Variants in ZNF585B observed in about 807,000 individuals in gnomAD.
The protein encoded by ZNF585B is zinc finger protein 41-like protein.
Under a neutral mutation model 14.0 loss-of-function variants are expected in ZNF585B, and 7 were observed. The ratio of observed to expected loss-of-function variants is 0.50; its 90% confidence interval spans 0.28 to 0.94. The LOEUF (loss-of-function observed/expected upper bound fraction) is 0.94, where lower values mean the gene tolerates loss of function less well. ZNF585B is among the 40% of genes least tolerant of loss of function. ZNF585B has a pLI of 0.09. For missense variants in ZNF585B, 750 were observed against 924.4 expected (o/e 0.81, Z 2.45); for synonymous variants, 290 against 317.3 (o/e 0.91, Z 0.91).
At position 37,190,088 on chromosome 19, in the gene ZNF585B, G is replaced by A. The variant is rs1222055153; in HGVS notation, c.135C>T (p.Asp45=). Residue 45 remains aspartate (D), a synonymous_variant, in exon 3 of 5, where the codon GAC becomes GAT. Transcript: ENST00000532828. The part of the protein sequence containing the change: ...DFSREEWRHL[D]LSQRNLYRDV... Reference sequence around the variant, plus strand: ...CCCGGTACAGGTTTCTCTGAGAAAGGTCCAGGTGCCGCCATTCCTCTCTGC... The same window carrying A: ...CCCGGTACAGGTTTCTCTGAGAAAGATCCAGGTGCCGCCATTCCTCTCTGC... 6.2e-7 allele frequency: 1 copy of A among 1,613,988 alleles called. No individual in the cohort carries two copies. The highest frequency in any genetic ancestry group is 1.7e-5 in the Admixed American group (1 of 59,980).
rs1033568166 is a variant in ZNF585B at position 37,197,861 on chromosome 19, G to A, written c.73-7711C>T. Reference sequence around the variant, plus strand: ...GCACCAACCTAATACATAAAGTAAGGCTATAATGTTAACAGGGATGTAGAA... The same window carrying A: ...GCACCAACCTAATACATAAAGTAAGACTATAATGTTAACAGGGATGTAGAA... On this transcript the variant is annotated intron_variant, in intron 2 of 4. Coordinates refer to ENST00000532828, the MANE Select transcript of ZNF585B (RefSeq NM_152279.4). Among the ~76,000 whole-genome samples, 12 of 152,238 alleles carry A rather than the reference G, an allele frequency of 7.9e-5. No individual in the cohort carries two copies. In the East Asian group the frequency reaches 1.4e-3, roughly 17 times the overall value.
chr19:37,184,751 A>G lies in ZNF585B; in HGVS notation c.*476T>C, dbSNP rs2145429054. 2.7e-6 allele frequency: 1 copy of G among 369,574 alleles called. No homozygotes were observed. The highest frequency in any genetic ancestry group is 4.0e-5 in the East Asian group (1 of 24,944). 22.9% of individuals were successfully genotyped at this position (369,574 alleles called of 1,614,324 possible). A position where few individuals can be genotyped will look rare whatever the true frequency, so the allele number is the denominator to read the frequency against. On this transcript the variant is annotated 3_prime_UTR_variant, in exon 5 of 5. Coordinates refer to ENST00000532828, the MANE Select transcript of ZNF585B (RefSeq NM_152279.4). The stretch of plus-strand genomic sequence containing the variant: ...AATTGGATATGCACAACTGTGTTCG[A>G]TTCAAAAGAAGAAAATACCCACAAT...
At position 37,181,678 on chromosome 19, in the gene ZNF585B, T is replaced by C. The variant is rs1293888952; in HGVS notation, c.*3549A>G. The C allele has an allele frequency of 7.6e-6, 1 of 131,286 alleles. No homozygotes were observed. The highest frequency in any genetic ancestry group is 1.6e-5 in the Non-Finnish European group (1 of 62,542). The allele number at this position is 131,286 out of a possible 1,614,324, so 8.1% of individuals were successfully genotyped here. On this transcript the variant is annotated 3_prime_UTR_variant, in exon 5 of 5. Coordinates refer to ENST00000532828, the MANE Select transcript of ZNF585B (RefSeq NM_152279.4). ...AATAAGTCATGGTACTTCCAGACAA[T>C]AGCATATTATTCAATGAGAAAAAAA...
At chr19:37,192,429 A>G (rs1027979490) in intron 2 of ZNF585B, among the ~76,000 whole-genome samples, 1 of 152,072 alleles carries the variant, frequency 6.6e-6, no homozygotes, top group African/African-American at 2.4e-5. Context: ...AAGAACAAAA[A>G]GATGGGGAGA....
chr19:37,198,858 G>A (rs961375900), intron 2 of ZNF585B: 2 of 703,028 alleles, frequency 2.8e-6, no homozygotes. Context: ...GAGGGTATGA[G>A]CATGCAGATG....
chr19:37,185,802 C>G lies in ZNF585B; in HGVS notation c.1735G>C (p.Val579Leu), dbSNP rs773635292. The change falls in exon 5 of 5, where the codon GTA becomes CTA. Residue 579 changes from valine to leucine, a missense_variant. By Grantham distance (32) the Val-to-Leu change is conservative. Coordinates refer to ENST00000532828, the MANE Select transcript of ZNF585B (RefSeq NM_152279.4). ...AAAGCTCTTCCACACTCAGTGCATA[C>G]ATAGGGTTTCTCTCCTGTATGAATT... ...QKIHTGEKPY[V>L]CTECGRAFIR... is the part of the protein sequence containing the mutation. 1 of 1,605,168 alleles carries G rather than the reference C, an allele frequency of 6.2e-7. No homozygotes were observed. Among genetic ancestry groups the G allele is most frequent in the South Asian group, 1.1e-5 (1 of 89,902 alleles).
chr19:37,204,493 A>G (rs1300479679), intron 2 of ZNF585B, among the ~76,000 whole-genome samples: 7 of 152,238 alleles, frequency 4.6e-5, no homozygotes, highest in Non-Finnish European at 8.8e-5. Flanking sequence ...CTGTCGTTAT[A>G]TTTGAGCATA....
intron 1 of ZNF585B, among the ~76,000 whole-genome samples, chr19:37,209,555 T>C (rs1295554783): frequency 2.6e-5 from 4 of 152,032 alleles, no homozygotes; most frequent in Non-Finnish European, 5.9e-5. Flanking sequence ...ATACATAATA[T>C]ATATAACATA....
At chr19:37,203,174 T>C (rs1180332921) in intron 2 of ZNF585B, among the ~76,000 whole-genome samples, 1 of 152,194 alleles carries the variant, frequency 6.6e-6, no homozygotes, top group Non-Finnish European at 1.5e-5. Flanking sequence ...TTCTTTTTTG[T>C]ATTTTTTGAC....
At position 37,184,502 on chromosome 19, in the gene ZNF585B, A is replaced by AAGAAAGAG. The variant is rs1568505116; in HGVS notation, c.*724_*725insCTCTTTCT. On this transcript the variant is annotated 3_prime_UTR_variant, in exon 5 of 5. Coordinates refer to ENST00000532828, the MANE Select transcript of ZNF585B (RefSeq NM_152279.4). ...AAAGAAAGAAAGAAAGAAAGAAAGA[A>AAGAAAGAG]AGAGAAAGAAAGAAAGAAAAAGAAA... 7.2e-6 allele frequency: 1 copy of AAGAAAGAG among 139,502 alleles called. No homozygotes were observed. The highest frequency in any genetic ancestry group is 1.6e-5 in the Non-Finnish European group (1 of 63,150). The allele number at this position is 139,502 out of a possible 1,614,324, so 8.6% of individuals were successfully genotyped here.
At chr19:37,197,387 A>G (rs1213714112) in intron 2 of ZNF585B, among the ~76,000 whole-genome samples, 1 of 152,086 alleles carries the variant, frequency 6.6e-6, no homozygotes, top group Non-Finnish European at 1.5e-5. Context: ...TCACTGATGG[A>G]CATTTGGGTT....
chr19:37,201,857 C>G (rs547418588), intron 2 of ZNF585B, among the ~76,000 whole-genome samples: 23 of 152,132 alleles, frequency 1.5e-4, no homozygotes, highest in African/African-American at 5.5e-4. Context: ...TACTGTTTTG[C>G]TAGACTGTGT....
In ZNF585B at chr19:37,187,009, A is replaced by G. The variant is rs754099102; in HGVS notation, c.528T>C (p.His176=). The part of the protein sequence containing the change: ...AFVQKPEFIT[H]QKTHMREKPY... ...GCTTCTCTCTCATATGGGTTTTCTG[A>G]TGTGTGATGAATTCTGGCTTCTGTA... Residue 176 remains histidine, a synonymous_variant, in exon 5 of 5, where the codon CAT becomes CAC. Coordinates refer to ENST00000532828, the MANE Select transcript of ZNF585B (RefSeq NM_152279.4). 6.2e-7 allele frequency: 1 copy of G among 1,613,236 alleles called. No individual in the cohort carries two copies. The highest frequency in any genetic ancestry group is 2.2e-5 in the East Asian group (1 of 44,876).
In ZNF585B at chr19:37,204,992, C is replaced by G. The variant is rs1420834223; in HGVS notation, c.72+2048G>C. 2.0e-5 allele frequency among the ~76,000 whole-genome samples: 3 copies of G among 152,178 alleles called. No homozygotes were observed. In the East Asian group the frequency reaches 5.8e-4, roughly 29 times the overall value. On this transcript the variant is annotated intron_variant, in intron 2 of 4. Coordinates refer to ENST00000532828, the MANE Select transcript of ZNF585B (RefSeq NM_152279.4). ...CGAACTCCTGACCTCAGGCAATCTG[C>G]CTGCCTCAGCCTCCCAAAGTGCTGG...
In ZNF585B at chr19:37,184,846, G is replaced by C. The variant is rs1972314245; in HGVS notation, c.*381C>G. The C allele has an allele frequency of 7.1e-6, 3 of 424,402 alleles. No individual in the cohort carries two copies. Among genetic ancestry groups the C allele is most frequent in the Non-Finnish European group, 1.2e-5 (3 of 240,466 alleles). The allele number at this position is 424,402 out of a possible 1,614,324, so 26.3% of individuals were successfully genotyped here. A position where few individuals can be genotyped will look rare whatever the true frequency, so the allele number is the denominator to read the frequency against. On this transcript the variant is annotated 3_prime_UTR_variant, in exon 5 of 5. Coordinates refer to ENST00000532828, the MANE Select transcript of ZNF585B (RefSeq NM_152279.4). ...TCATCACTATCATATATATTATGTTGTCTTACCATTCAAACTGTTGGCACT... is the reference window on the plus strand; with the variant it reads ...TCATCACTATCATATATATTATGTTCTCTTACCATTCAAACTGTTGGCACT...
At chr19:37,205,304 A>C (rs927397591) in intron 2 of ZNF585B, among the ~76,000 whole-genome samples, 5 of 152,194 alleles carry the variant, frequency 3.3e-5, no homozygotes, top group Admixed American at 6.5e-5. Context: ...CCCAAGAGCA[A>C]CTAAAGTAGA....
At chr19:37,187,728 T>C (rs1274751454) in intron 4 of ZNF585B, among the ~76,000 whole-genome samples, 1 of 151,976 alleles carries the variant, frequency 6.6e-6, no homozygotes, top group East Asian at 1.9e-4. Flanking sequence ...TAGCAGAGGC[T>C]AGAGGGGAAG....
At chr19:37,194,639 A>G (rs1016824697) in intron 2 of ZNF585B, among the ~76,000 whole-genome samples, 5 of 152,172 alleles carry the variant, frequency 3.3e-5, no homozygotes, top group Non-Finnish European at 7.3e-5. Context: ...AACAAAGTAT[A>G]CTAGGGACTT....
At chr19:37,197,176 T>C (rs775817215) in intron 2 of ZNF585B, among the ~76,000 whole-genome samples, 2 of 128,496 alleles carry the variant, frequency 1.6e-5, no homozygotes, top group Admixed American at 8.3e-5. Context: ...CTCCCCACCC[T>C]GTGTCCAAGT....
Sources: gnomAD v4.1 joint callset for allele counts (sites outside exome capture counted in the v4.1 genomes callset) on GRCh38, gnomAD v4.1.1 for gene constraint, MANE v1.5 for transcripts, NCBI Gene and HGNC (gene_info 2026-07-23, HGNC 2026-07-21) for gene names.